NUP155: variants seen among roughly 807,000 people sequenced by gnomAD.
NUP155 encodes nuclear pore complex protein Nup155.
Under a neutral mutation model 180.4 loss-of-function variants are expected in NUP155, and 71 were observed. That is an observed-to-expected ratio of 0.39 (90% CI 0.33 to 0.48). The LOEUF (loss-of-function observed/expected upper bound fraction) is 0.48. Among genes scored for constraint, NUP155 ranks in the 20% least tolerant of loss-of-function variants. NUP155 has a pLI of 0.91. For synonymous variants in NUP155, 582 were observed against 559.5 expected (o/e 1.04, Z -0.57); for missense variants, 1,553 against 1,648.9 (o/e 0.94, Z 1.01).
At chr5:37,301,923 T>C (rs773980455) in intron 29 of NUP155, among the ~76,000 whole-genome samples, 95 of 152,328 alleles carry the variant, frequency 6.2e-4, no homozygotes, top group Non-Finnish European at 1.1e-3. Context: ...GAATGTGTTC[T>C]TTCTTTTCCT....
At chr5:37,313,090 G>T (rs1005122223) in intron 22 of NUP155, among the ~76,000 whole-genome samples, 2 of 152,050 alleles carry the variant, frequency 1.3e-5, no homozygotes, top group African/African-American at 4.8e-5. Flanking sequence ...AACATCAAAA[G>T]AAATATGAAC....
intron 20 of NUP155, among the ~76,000 whole-genome samples, chr5:37,319,236 G>A (rs989298347): frequency 6.6e-6 from 1 of 152,200 alleles, no homozygotes; most frequent in Non-Finnish European, 1.5e-5. Context: ...ATGTCTCCTA[G>A]ATAATGGAAG....
At position 37,302,771 on chromosome 5, in the gene NUP155, G is replaced by C. The variant is rs1742932109; in HGVS notation, c.3447+8C>G. 3.7e-6 allele frequency: 6 copies of C among 1,613,612 alleles called. No individual in the cohort carries two copies. The highest frequency in any genetic ancestry group is 5.1e-6 in the Non-Finnish European group (6 of 1,179,704). On this transcript the variant is annotated splice_region_variant and intron_variant, in intron 29 of 34. Coordinates refer to ENST00000231498, the MANE Select transcript of NUP155 (RefSeq NM_153485.3). Reference sequence around the variant, plus strand: ...ATGTGGACACAGCTTAAGATCTTTAGCACTTACCTCCATTTTTTCTTCTAA... The same window carrying C: ...ATGTGGACACAGCTTAAGATCTTTACCACTTACCTCCATTTTTTCTTCTAA...
chr5:37,320,780 C>T (rs1744194858), intron 20 of NUP155, among the ~76,000 whole-genome samples: 1 of 151,950 alleles, frequency 6.6e-6, no homozygotes, highest in Admixed American at 6.6e-5. Context: ...AAACTAAAAA[C>T]ATCTGACAAG....
At chr5:37,331,567 T>G (rs985797482) in intron 14 of NUP155, 118 bp downstream of exon 14, 1 of 507,092 alleles carries the variant, frequency 2.0e-6, no homozygotes, top group Admixed American at 3.6e-5. Context: ...AGAGCGAAAC[T>G]CCATCTCAAA....
At chr5:37,308,584 G>A (rs1315053974) in intron 24 of NUP155, among the ~76,000 whole-genome samples, 2 of 152,122 alleles carry the variant, frequency 1.3e-5, no homozygotes, top group Admixed American at 6.5e-5. Flanking sequence ...TGTAGTCCCA[G>A]CTACTTGGGA....
chr5:37,350,304 G>A, intron 6 of NUP155, 39 bp from the exon 7 acceptor site: 1 of 1,339,794 alleles, frequency 7.5e-7, no homozygotes, highest in Non-Finnish European at 1.1e-6. Flanking sequence ...ATAAAAGTAT[G>A]TAACTCCCTT....
At chr5:37,348,307 AAAATAAATAAAT>A (rs56758251) in intron 9 of NUP155, among the ~76,000 whole-genome samples, 186 bp downstream of exon 9, 1 of 151,516 alleles carries the variant, frequency 6.6e-6, no homozygotes, top group Non-Finnish European at 1.5e-5. Context: ...CTGTCTCAAA[AAAATAAATAAAT>A]AAATAAATAA....
intron 14 of NUP155, among the ~76,000 whole-genome samples, chr5:37,331,377 C>T (rs1342898588): frequency 6.6e-6 from 1 of 152,036 alleles, no homozygotes. Flanking sequence ...GAGTTCGAGA[C>T]CAGCCTGACC....
intron 32 of NUP155, among the ~76,000 whole-genome samples, chr5:37,297,961 G>A (rs2150939006): frequency 6.6e-6 from 1 of 151,940 alleles, no homozygotes; most frequent in East Asian, 1.9e-4. Flanking sequence ...AATTAGGCTG[G>A]GCACAGTGGC....
chr5:37,298,723 G>A (rs536350869), intron 32 of NUP155, 145 bp downstream of exon 32: 7 of 652,388 alleles, frequency 1.1e-5, no homozygotes, highest in Non-Finnish European at 1.1e-5. Flanking sequence ...TTCTTTGGAA[G>A]TCTTTCCGGA....
intron 1 of NUP155, among the ~76,000 whole-genome samples, chr5:37,365,603 G>A (rs1177755964): frequency 1.3e-5 from 2 of 150,400 alleles, no homozygotes; most frequent in Admixed American, 1.3e-4. Context: ...AGCTACTTGG[G>A]AGGCTGAGGC....
At chr5:37,335,520 C>A (rs1745273811) in intron 12 of NUP155, among the ~76,000 whole-genome samples, 1 of 152,146 alleles carries the variant, frequency 6.6e-6, no homozygotes, top group Admixed American at 6.6e-5. Context: ...TTCGCCATAT[C>A]TGCATTCTCT....
At chr5:37,343,027 G>A (rs558717061) in intron 9 of NUP155, among the ~76,000 whole-genome samples, 60 of 152,204 alleles carry the variant, frequency 3.9e-4, no homozygotes, top group South Asian at 1.0e-3. Context: ...GGGATTACAG[G>A]CGTGAGCCAC....
rs767617307 is a variant in NUP155, at chr5:37,310,642, G to T, written c.2538C>A (p.Ile846=). The change falls in exon 23 of 35, where the codon ATC becomes ATA. Residue 846 remains isoleucine, a synonymous_variant. Transcript: ENST00000231498. ...TGCCATCAACAGCGGCATTATCTCTGATGTAGCAGTTGATAAGAGAAGCAA... is the reference window on the plus strand; with the variant it reads ...TGCCATCAACAGCGGCATTATCTCTTATGTAGCAGTTGATAAGAGAAGCAA... ...ALIASLINCY[I]RDNAAVDGIS... 6.2e-7 allele frequency: 1 copy of T among 1,613,564 alleles called. No homozygotes were observed. The highest frequency in any genetic ancestry group is 1.7e-5 in the Admixed American group (1 of 59,998).
chr5:37,355,577 G>A (rs1203097789), intron 4 of NUP155, among the ~76,000 whole-genome samples: 212 of 135,300 alleles, frequency 1.6e-3, no homozygotes, highest in South Asian at 6.4e-3. Flanking sequence ...TTATTTGTTT[G>A]TTTGTTTGTT....
chr5:37,332,168 C>CAAAAAA (rs11305356), intron 13 of NUP155, among the ~76,000 whole-genome samples: 1 of 100,124 alleles, frequency 1.0e-5, no homozygotes, highest in Non-Finnish European at 2.2e-5. Context: ...TCAATTTAGG[C>CAAAAAA]AAAAAAAAAA....
chr5:37,319,223 G>A (rs1179663660), intron 20 of NUP155, among the ~76,000 whole-genome samples: 1 of 152,166 alleles, frequency 6.6e-6, no homozygotes, highest in African/African-American at 2.4e-5. Context: ...ATGGACATGA[G>A]GTATGTCTCC....
At chr5:37,301,358 A>C (rs1427747167) in intron 30 of NUP155, 79 bp downstream of exon 30, 2 of 890,900 alleles carry the variant, frequency 2.2e-6, no homozygotes, top group East Asian at 5.2e-5. Context: ...TTTCCCCATG[A>C]AACAAAAAGC....
Sources: allele counts gnomAD v4.1 joint callset (sites outside exome capture counted in the v4.1 genomes callset), GRCh38; gene constraint gnomAD v4.1.1; transcripts MANE v1.5; gene names NCBI Gene and HGNC (gene_info 2026-07-23, HGNC 2026-07-21).